FTO: variants seen among roughly 807,000 people sequenced by gnomAD.
FTO encodes the protein FTO alpha-ketoglutarate dependent dioxygenase, also known as alpha-ketoglutarate-dependent dioxygenase FTO.
Under a neutral mutation model 63.9 loss-of-function variants are expected in FTO, and 47 were observed. The observed-to-expected ratio is 0.74, with a 90% CI of 0.58 to 0.94. The LOEUF (loss-of-function observed/expected upper bound fraction) is 0.94, where lower values mean the gene tolerates loss of function less well. FTO is among the 40% of genes least tolerant of loss of function. FTO has a pLI of 0.00. For synonymous variants in FTO, 207 were observed against 224.4 expected, an observed-to-expected ratio of 0.92 and a Z score of 0.69; for missense variants, 562 against 618.1, an observed-to-expected ratio of 0.91 and a Z score of 0.96.
rs60300990 is a variant in FTO at position 53,743,217 on chromosome 16, G to C, written c.45+38988G>C. Among the ~76,000 whole-genome samples the C allele has an allele frequency of 9.7e-3, 1,476 of 152,206 alleles. 21 individuals are homozygous for C. Among genetic ancestry groups the C allele is most frequent in the East Asian group, 0.04 (208 of 5,180 alleles). ...TTTCTTGGATTATAAAGTGATTTAA[G>C]TTAACATGATTTGAAGCTTCACTGT... On this transcript the variant is annotated intron_variant, in intron 1 of 8. Coordinates refer to ENST00000471389, the MANE Select transcript of FTO (RefSeq NM_001080432.3).
At chr16:53,724,526 A>G (rs1399272310) in intron 1 of FTO, among the ~76,000 whole-genome samples, 1 of 152,174 alleles carries the variant, frequency 6.6e-6, no homozygotes, top group Non-Finnish European at 1.5e-5. Context: ...CCTATTGTTG[A>G]GAATTATTAC....
At chr16:53,922,565 G>A (rs947667224) in intron 7 of FTO, among the ~76,000 whole-genome samples, 5 of 152,164 alleles carry the variant, frequency 3.3e-5, no homozygotes, top group African/African-American at 1.2e-4. Context: ...ACTACTGATG[G>A]TGTTATAACT....
chr16:53,797,286 AC>A (rs2078101876), intron 1 of FTO, among the ~76,000 whole-genome samples: 1 of 152,226 alleles, frequency 6.6e-6, no homozygotes, highest in Admixed American at 6.5e-5. Context: ...ATTAGGGTTT[AC>A]TTTTGGTGGT....
chr16:53,879,760 GACAAATATGA>G (rs2080771282), intron 5 of FTO, 74 bp from the exon 6 acceptor site: 1 of 1,500,778 alleles, frequency 6.7e-7, no homozygotes, highest in African/African-American at 1.4e-5. Flanking sequence ...CACAGCCAGG[GACAAATATGA>G]ACAATCCTAG....
At position 54,068,044 on chromosome 16, in the gene FTO, A is replaced by G. The variant is rs75607146; in HGVS notation, c.1365-43718A>G. On this transcript the variant is annotated intron_variant, in intron 8 of 8. Transcript: ENST00000471389. ...TTTCATAGGAATTTTTGGTTGGACT[A>G]TCTTCTAAATTTGTCTTTTTCAATA... Among the ~76,000 whole-genome samples the G allele has an allele frequency of 1.3e-4, 20 of 150,542 alleles. No individual in the cohort carries two copies. In the East Asian group the frequency reaches 3.5e-3, roughly 27 times the overall value.
At chr16:53,889,625 A>T (rs2081097362) in intron 7 of FTO, among the ~76,000 whole-genome samples, 1 of 152,140 alleles carries the variant, frequency 6.6e-6, no homozygotes, top group African/African-American at 2.4e-5. Context: ...GTGAAATGGC[A>T]GATGTGGTTT....
chr16:53,945,805 C>G (rs2082638964), intron 8 of FTO, among the ~76,000 whole-genome samples: 1 of 152,096 alleles, frequency 6.6e-6, no homozygotes, highest in Admixed American at 6.5e-5. Flanking sequence ...CTCTGTAAAT[C>G]CTCTAAGTCA....
chr16:53,774,053 G>T (rs2077404610), intron 1 of FTO, among the ~76,000 whole-genome samples: 1 of 152,070 alleles, frequency 6.6e-6, no homozygotes, highest in Non-Finnish European at 1.5e-5. Flanking sequence ...GCCCTCTTAG[G>T]CTCCTAATAT....
At chr16:54,056,361 G>T (rs1296137749) in intron 8 of FTO, among the ~76,000 whole-genome samples, 4 of 152,160 alleles carry the variant, frequency 2.6e-5, no homozygotes, top group Non-Finnish European at 4.4e-5. Flanking sequence ...CCAGCACAGG[G>T]TTTGTGGCCC....
rs1215271433 is a variant in FTO, at chr16:53,944,278, A to G, written c.1364+10169A>G. 2.6e-5 allele frequency among the ~76,000 whole-genome samples: 4 copies of G among 152,194 alleles called. No individual in the cohort carries two copies. In the East Asian group the frequency reaches 5.8e-4, roughly 22 times the overall value. ...GAGATTGAGTCATGATTCCATAGAA[A>G]CCCACATCCCAGGGAAGAAGACAGG... On this transcript the variant is annotated intron_variant, in intron 8 of 8. Transcript: ENST00000471389.
At chr16:54,110,890 C>T (rs2086869119) in intron 8 of FTO, among the ~76,000 whole-genome samples, 1 of 152,216 alleles carries the variant, frequency 6.6e-6, no homozygotes, top group African/African-American at 2.4e-5. Context: ...CTGTTTCCTT[C>T]TCTCTGATCC....
chr16:53,811,377 C>T (rs892619165), intron 2 of FTO, among the ~76,000 whole-genome samples: 1 of 152,118 alleles, frequency 6.6e-6, no homozygotes, highest in Non-Finnish European at 1.5e-5. Flanking sequence ...ACATAGCTGA[C>T]CATCAGTAAC....
Position 54,039,342 on chromosome 16 carries a change from C to T in FTO, c.1365-72420C>T, listed in dbSNP as rs1215878455. On this transcript the variant is annotated intron_variant, in intron 8 of 8. Transcript: ENST00000471389. ...CAGAGGTGCCTATACTTCTCTGTTT[C>T]AGAGTGGATATAGAGGGGTGGAAGA... is the stretch of plus-strand genomic sequence containing the variant. 3.3e-5 allele frequency: 5 copies of T among 152,210 alleles called. No homozygotes were observed. In the East Asian group the frequency reaches 9.6e-4, roughly 29 times the overall value. 9.4% of individuals were successfully genotyped at this position (152,210 alleles called of 1,614,324 possible). A position where few individuals can be genotyped will look rare whatever the true frequency, so the allele number is the denominator to read the frequency against.
chr16:54,015,896 G>GCCATTT (rs1323822995), intron 8 of FTO, among the ~76,000 whole-genome samples: 2 of 152,156 alleles, frequency 1.3e-5, no homozygotes, highest in Non-Finnish European at 2.9e-5. Context: ...AAAGCCCTTG[G>GCCATTT]CCATTTTTCT....
At chr16:53,814,367 T>G (rs1567319654) in intron 2 of FTO, among the ~76,000 whole-genome samples, 1 of 152,192 alleles carries the variant, frequency 6.6e-6, no homozygotes, top group Non-Finnish European at 1.5e-5. Context: ...CTGTCACTGA[T>G]TGTGTGCTAG....
chr16:53,716,249 C>A (rs193060144), intron 1 of FTO, among the ~76,000 whole-genome samples: 51 of 152,194 alleles, frequency 3.4e-4, no homozygotes, highest in Non-Finnish European at 6.0e-4. Flanking sequence ...GGAAAGTTTT[C>A]CAAAAATGTT....
chr16:53,845,692 T>A (rs2079599146), intron 4 of FTO, among the ~76,000 whole-genome samples: 1 of 152,216 alleles, frequency 6.6e-6, no homozygotes, highest in Non-Finnish European at 1.5e-5. Flanking sequence ...GGCCTGCTAC[T>A]TTTGTTTGCC....
At chr16:53,738,639 G>A (rs1166390147) in intron 1 of FTO, among the ~76,000 whole-genome samples, 1 of 152,100 alleles carries the variant, frequency 6.6e-6, no homozygotes. Flanking sequence ...CATATGGTAA[G>A]TCTATGTTTG....
At chr16:53,757,237 A>G (rs970698099) in intron 1 of FTO, among the ~76,000 whole-genome samples, 7 of 152,194 alleles carry the variant, frequency 4.6e-5, no homozygotes, top group Non-Finnish European at 7.3e-5. Context: ...GAGAACACTT[A>G]AAATCTACTT....
Sources: gnomAD v4.1 joint callset for allele counts (sites outside exome capture counted in the v4.1 genomes callset) on GRCh38, gnomAD v4.1.1 for gene constraint, MANE v1.5 for transcripts, NCBI Gene and HGNC (gene_info 2026-07-23, HGNC 2026-07-21) for gene names.